Variants in ARID2 observed in about 807,000 individuals in gnomAD.
ARID2 encodes the protein AT-rich interactive domain-containing protein 2.
ARID2 carries 32 observed loss-of-function variants against 184.6 expected under a neutral mutation model. The observed-to-expected ratio is 0.17, with a 90% CI of 0.13 to 0.23. ARID2 has a LOEUF of 0.23. Ranked by LOEUF, ARID2 falls within the 10% of genes least tolerant of loss-of-function variation. The pLI, the probability that ARID2 is intolerant of heterozygous loss-of-function variation, is 1.00. For synonymous variants in ARID2, 836 were observed against 772.6 expected (o/e 1.08, Z -1.36); for missense variants, 1,696 against 2,197.6 (o/e 0.77, Z 4.56).
At chr12:45,827,211 C>G (rs762897780) in intron 6 of ARID2, among the ~76,000 whole-genome samples, 2 of 151,538 alleles carry the variant, frequency 1.3e-5, no homozygotes, top group Non-Finnish European at 2.9e-5. Context: ...GGTAAAGTTA[C>G]ACTTTTCATA....
chr12:45,799,938 T>C (rs758803401), intron 3 of ARID2, among the ~76,000 whole-genome samples: 2 of 152,158 alleles, frequency 1.3e-5, no homozygotes, highest in Non-Finnish European at 2.9e-5. Context: ...CATCTTCTAC[T>C]TCCCAGGCTC....
chr12:45,738,779 C>CTTTTTTTTTTTTTTT (rs11333868), intron 3 of ARID2, among the ~76,000 whole-genome samples: 1 of 62,304 alleles, frequency 1.6e-5, no homozygotes, highest in Non-Finnish European at 2.6e-5. Flanking sequence ...ATATGGGCTA[C>CTTTTTTTTTTTTTTT]TTTTTTTTTT....
chr12:45,859,175 A>G (rs1943701502), intron 15 of ARID2, among the ~76,000 whole-genome samples: 1 of 152,256 alleles, frequency 6.6e-6, no homozygotes. Context: ...GATGGACCAC[A>G]TAATACAACA....
chr12:45,866,928 TTTG>T (rs369872664), intron 16 of ARID2, among the ~76,000 whole-genome samples: 3,350 of 150,056 alleles, frequency 0.022, 63 homozygotes, highest in South Asian at 0.075. Context: ...TTTTGTGAAG[TTTG>T]TTGTTGTTGT....
At chr12:45,841,741 AT>A (rs1943345527) in intron 11 of ARID2, 1 of 152,186 alleles carries the variant, frequency 6.6e-6, no homozygotes, top group Non-Finnish European at 1.5e-5. Flanking sequence ...ACCATCATTC[AT>A]TTTTTAAAAT....
At chr12:45,737,307 G>T (rs552225584) in intron 3 of ARID2, among the ~76,000 whole-genome samples, 69 of 152,092 alleles carry the variant, frequency 4.5e-4, no homozygotes, top group African/African-American at 1.7e-3. Flanking sequence ...TGGAGCCCCA[G>T]GGAGAATGTG....
Position 45,904,820 on chromosome 12 carries a change from G to A in ARID2, c.5364-114G>A, listed in dbSNP as rs570987472. Reference sequence around the variant, plus strand: ...CCTGCAATACTATATTAACATTTACGGGGTGTGGAGCTATGTATTGTTTCT... The same window carrying A: ...CCTGCAATACTATATTAACATTTACAGGGTGTGGAGCTATGTATTGTTTCT... On this transcript the variant is annotated intron_variant, in intron 20 of 20. Transcript: ENST00000334344. The A allele has an allele frequency of 2.1e-4, 209 of 995,160 alleles. 1 individual carries two copies. The highest frequency in any genetic ancestry group is 2.5e-4 in the African/African-American group (15 of 60,870). 61.6% of individuals were successfully genotyped at this position (995,160 alleles called of 1,614,324 possible).
At chr12:45,894,870 A>C (rs1944349562) in intron 20 of ARID2, among the ~76,000 whole-genome samples, 1 of 151,144 alleles carries the variant, frequency 6.6e-6, no homozygotes, top group Non-Finnish European at 1.5e-5. Flanking sequence ...CCTACATTTC[A>C]GTGAAACTAA....
intron 11 of ARID2, among the ~76,000 whole-genome samples, chr12:45,844,952 A>G (rs748841076): frequency 5.3e-5 from 8 of 152,232 alleles, no homozygotes; most frequent in African/African-American, 1.2e-4. Flanking sequence ...CATGCAAAGC[A>G]GTTTTAGGAA....
At position 45,733,053 on chromosome 12, in the gene ARID2, T is replaced by C. The variant is rs781704504; in HGVS notation, c.284+1739T>C. 2.3e-4 allele frequency among the ~76,000 whole-genome samples: 35 copies of C among 152,208 alleles called. 2 individuals carry two copies. The highest frequency in any genetic ancestry group is 4.7e-4 in the Non-Finnish European group (32 of 68,006). The stretch of plus-strand genomic sequence containing the variant: ...CAGATCAAATTGGGCTTTTTGCTCT[T>C]ATTAGAAGCTGCTTTTTGAACTATG... On this transcript the variant is annotated intron_variant, in intron 3 of 20. Transcript: ENST00000334344.
rs548157975 is a variant in ARID2 at position 45,775,287 on chromosome 12, A to T, written c.285-36131A>T. Among the ~76,000 whole-genome samples, 7 of 152,280 alleles carry T rather than the reference A, an allele frequency of 4.6e-5. No individual in the cohort carries two copies. In the East Asian group the frequency reaches 1.3e-3, roughly 29 times the overall value. ...TTTGCCATCTCAGAGAAAACCTAGAACTATTTTTGGATCATTGCCCTCTAT... is the reference window on the plus strand; with the variant it reads ...TTTGCCATCTCAGAGAAAACCTAGATCTATTTTTGGATCATTGCCCTCTAT... On this transcript the variant is annotated intron_variant, in intron 3 of 20. Coordinates refer to ENST00000334344, the MANE Select transcript of ARID2 (RefSeq NM_152641.4).
chr12:45,754,104 GA>G (rs1592055980), intron 3 of ARID2, among the ~76,000 whole-genome samples: 1 of 152,144 alleles, frequency 6.6e-6, no homozygotes, highest in East Asian at 1.9e-4. Flanking sequence ...TCATTGGAAT[GA>G]ATACATTCTG....
At chr12:45,804,481 T>C (rs564904533) in intron 3 of ARID2, among the ~76,000 whole-genome samples, 1 of 151,874 alleles carries the variant, frequency 6.6e-6, no homozygotes, top group South Asian at 2.1e-4. Context: ...AGTGTGTGCG[T>C]GTGTGTGCGT....
intron 3 of ARID2, among the ~76,000 whole-genome samples, chr12:45,756,211 T>C (rs983833337): frequency 1.3e-5 from 2 of 152,170 alleles, no homozygotes; most frequent in African/African-American, 4.8e-5. Flanking sequence ...CAGCCTAGAA[T>C]ACATTTTCTA....
At chr12:45,899,858 A>G (rs374879401) in intron 20 of ARID2, among the ~76,000 whole-genome samples, 4 of 150,660 alleles carry the variant, frequency 2.7e-5, no homozygotes, top group African/African-American at 9.7e-5. Flanking sequence ...AAATATGTCT[A>G]TGTTACTATT....
rs2136474159 is a variant in ARID2, at chr12:45,906,619, G to A, written c.*1541G>A. The A allele has an allele frequency of 8.6e-6, 2 of 232,346 alleles. No homozygotes were observed. Among genetic ancestry groups the A allele is most frequent in the South Asian group, 1.8e-4 (1 of 5,526 alleles). The allele number at this position is 232,346 out of a possible 1,614,324, so 14.4% of individuals were successfully genotyped here. On this transcript the variant is annotated 3_prime_UTR_variant, in exon 21 of 21. Transcript: ENST00000334344. Reference sequence around the variant, plus strand: ...AATTCTAAATTCAGCTGAAGGCAAGGTATAACGGTCACCTACCTATTTGAT... The same window carrying A: ...AATTCTAAATTCAGCTGAAGGCAAGATATAACGGTCACCTACCTATTTGAT...
rs983003986 is a variant in ARID2 at position 45,753,229 on chromosome 12, G to A, written c.284+21915G>A. On this transcript the variant is annotated intron_variant, in intron 3 of 20. Transcript: ENST00000334344. ...GGAGAATCACTTGAACCCAGAGGCA[G>A]AGGTTGCAGTGAGCTAAGATTGTGC... Among the ~76,000 whole-genome samples, 4 of 152,022 alleles carry A rather than the reference G, an allele frequency of 2.6e-5. No homozygotes were observed. In the East Asian group the frequency reaches 7.7e-4, roughly 29 times the overall value.
At chr12:45,776,442 G>T (rs79104535) in intron 3 of ARID2, 1 of 152,166 alleles carries the variant, frequency 6.6e-6, no homozygotes, top group Non-Finnish European at 1.5e-5. Flanking sequence ...CACATGAAGC[G>T]TTTAAAGAAA....
intron 5 of ARID2, among the ~76,000 whole-genome samples, chr12:45,819,789 G>T (rs1373429233): frequency 6.6e-6 from 1 of 151,568 alleles, no homozygotes; most frequent in East Asian, 1.9e-4. Context: ...TGTCCCCTAG[G>T]CTGGAATGCA....
Sources: allele counts gnomAD v4.1 joint callset (sites outside exome capture counted in the v4.1 genomes callset), GRCh38; gene constraint gnomAD v4.1.1; transcripts MANE v1.5; gene names NCBI Gene and HGNC (gene_info 2026-07-23, HGNC 2026-07-21).